The following CTNNA3 variants were observed in gnomAD, a reference collection of about 807,000 sequenced individuals.
The protein encoded by CTNNA3 is catenin alpha 3, also known as catenin alpha-3.
Under a neutral mutation model 95.7 loss-of-function variants are expected in CTNNA3, and 76 were observed. The ratio of observed to expected loss-of-function variants is 0.79; its 90% CI spans 0.66 to 0.96. CTNNA3 has a LOEUF of 0.96. Among genes scored for constraint, CTNNA3 ranks in the 40% least tolerant of loss-of-function variants. The pLI, the probability that CTNNA3 is intolerant of heterozygous loss-of-function variation, is 0.00. For synonymous variants in CTNNA3, 431 were observed against 374.4 expected, an observed-to-expected ratio of 1.15 and a Z score of -1.74; for missense variants, 1,191 against 1,089.8, an observed-to-expected ratio of 1.09 and a Z score of -1.31.
chr10:67,080,107 C>T (rs1371421401), intron 7 of CTNNA3, among the ~76,000 whole-genome samples: 1 of 152,120 alleles, frequency 6.6e-6, no homozygotes, highest in African/African-American at 2.4e-5. Flanking sequence ...GCAAGAAGAA[C>T]CAGAAGGGGT....
chr10:67,716,614 T>A (rs1194183297), intron 1 of CTNNA3, among the ~76,000 whole-genome samples: 1 of 152,198 alleles, frequency 6.6e-6, no homozygotes, highest in Non-Finnish European at 1.5e-5. Flanking sequence ...CAACGATGGT[T>A]TCCAGCTTCA....
intron 11 of CTNNA3, among the ~76,000 whole-genome samples, chr10:66,412,456 A>ATTTTT (rs750175517): frequency 7.9e-6 from 1 of 126,218 alleles, no homozygotes; most frequent in Admixed American, 8.1e-5. Context: ...GCCAAATACT[A>ATTTTT]TTTTTTTTTT....
chr10:65,949,976 C>A (rs1405305608), intron 17 of CTNNA3, among the ~76,000 whole-genome samples: 4 of 151,910 alleles, frequency 2.6e-5, no homozygotes, highest in Non-Finnish European at 5.9e-5. Context: ...CCCCCCACAA[C>A]AAAGAATTAT....
rs1451213292 is a variant in CTNNA3, at chr10:67,506,923, AC to A, written c.579+14918del. On this transcript the variant is annotated intron_variant, in intron 5 of 17. Coordinates refer to ENST00000433211, the MANE Select transcript of CTNNA3 (RefSeq NM_013266.4). ...CAGTTTGGCCAAGTCACAGTGGACAACCCAGAGCTAAAGTATGACATTTTTA... is the reference window on the plus strand; with the variant it reads ...CAGTTTGGCCAAGTCACAGTGGACAACCAGAGCTAAAGTATGACATTTTTA... 2.6e-5 allele frequency among the ~76,000 whole-genome samples: 4 copies of A among 152,286 alleles called. No individual in the cohort carries two copies. The East Asian group carries it at 7.7e-4, about 29-fold the overall frequency.
chr10:67,400,731 T>C (rs1844885488), intron 5 of CTNNA3, among the ~76,000 whole-genome samples: 1 of 152,214 alleles, frequency 6.6e-6, no homozygotes, highest in Non-Finnish European at 1.5e-5. Flanking sequence ...CTAATTACTT[T>C]TCAAAAGTGG....
At chr10:66,574,618 GGTT>G (rs983449534) in intron 10 of CTNNA3, among the ~76,000 whole-genome samples, 1 of 151,938 alleles carries the variant, frequency 6.6e-6, no homozygotes, top group African/African-American at 2.4e-5. Flanking sequence ...TCTAAACAAA[GGTT>G]GTTTTTTTTT....
chr10:66,923,058 C>T (rs1925581), intron 7 of CTNNA3, among the ~76,000 whole-genome samples: 55,117 of 151,982 alleles, frequency 0.36, 10,230 homozygotes, highest in Non-Finnish European at 0.39. Context: ...TATTTACTCA[C>T]TCTAATATTT....
intron 7 of CTNNA3, among the ~76,000 whole-genome samples, chr10:66,916,992 T>A (rs1381069317): frequency 6.6e-6 from 1 of 152,206 alleles, no homozygotes; most frequent in African/African-American, 2.4e-5. Flanking sequence ...GGCCACAGTA[T>A]CAAATGGTCA....
At chr10:67,390,932 A>G (rs111270363) in intron 5 of CTNNA3, among the ~76,000 whole-genome samples, 3 of 151,976 alleles carry the variant, frequency 2.0e-5, no homozygotes, top group Non-Finnish European at 4.4e-5. Flanking sequence ...ATCTATGACA[A>G]ACCCACAGCC....
At chr10:67,635,751 G>T (rs1220630913) in intron 2 of CTNNA3, among the ~76,000 whole-genome samples, 1 of 151,824 alleles carries the variant, frequency 6.6e-6, no homozygotes, top group South Asian at 2.1e-4. Context: ...CCTTGAAAAC[G>T]CACAAGACAA....
chr10:67,052,424 G>T (rs1164938535), intron 7 of CTNNA3, among the ~76,000 whole-genome samples: 3 of 151,388 alleles, frequency 2.0e-5, no homozygotes, highest in Non-Finnish European at 4.4e-5. Flanking sequence ...CCCTTCTTAG[G>T]CCTAGAACGA....
At chr10:67,305,052 G>A (rs973569386) in intron 5 of CTNNA3, among the ~76,000 whole-genome samples, 17 of 152,046 alleles carry the variant, frequency 1.1e-4, no homozygotes, top group African/African-American at 3.6e-4. Flanking sequence ...CGAGGTGGGC[G>A]GATCACGAAG....
At chr10:66,918,977 T>C (rs776400182) in intron 7 of CTNNA3, among the ~76,000 whole-genome samples, 12 of 151,296 alleles carry the variant, frequency 7.9e-5, no homozygotes, top group Non-Finnish European at 1.2e-4. Flanking sequence ...CTACTAAAAA[T>C]ACAAAAAATT....
chr10:66,854,096 T>A (rs1564725404), intron 7 of CTNNA3, among the ~76,000 whole-genome samples: 1 of 152,076 alleles, frequency 6.6e-6, no homozygotes, highest in African/African-American at 2.4e-5. Flanking sequence ...CATTTCTTAT[T>A]TATTGGTCAC....
At chr10:66,218,134 G>A (rs1381848) in intron 13 of CTNNA3, among the ~76,000 whole-genome samples, 12,009 of 152,122 alleles carry the variant, frequency 0.079, 600 homozygotes, top group Admixed American at 0.13. Flanking sequence ...CACCTAATAA[G>A]CCTGTCCTAC....
intron 11 of CTNNA3, among the ~76,000 whole-genome samples, chr10:66,434,824 TACCTAATTTATTGAGA>T (rs2093325679): frequency 6.6e-6 from 1 of 152,216 alleles, no homozygotes; most frequent in Non-Finnish European, 1.5e-5. Flanking sequence ...GTTCCATCAA[TACCTAATTTATTGAGA>T]GTTTTTAGCA....
At chr10:66,762,094 T>G (rs1839621688) in intron 9 of CTNNA3, among the ~76,000 whole-genome samples, 1 of 152,210 alleles carries the variant, frequency 6.6e-6, no homozygotes, top group African/African-American at 2.4e-5. Context: ...CTCAAAGCAA[T>G]AATCCTCTCT....
intron 5 of CTNNA3, among the ~76,000 whole-genome samples, chr10:67,232,957 C>A (rs1202981206): frequency 3.3e-5 from 5 of 152,130 alleles, no homozygotes; most frequent in Non-Finnish European, 4.4e-5. Context: ...ACAAGAAGAG[C>A]TAACTATCCT....
intron 7 of CTNNA3, among the ~76,000 whole-genome samples, chr10:67,168,133 C>T (rs888621153): frequency 1.3e-5 from 2 of 152,004 alleles, no homozygotes; most frequent in African/African-American, 4.8e-5. Context: ...GAGACTCCAT[C>T]TCAAAATAAA....
Sources: allele counts gnomAD v4.1 joint callset (sites outside exome capture counted in the v4.1 genomes callset), GRCh38; gene constraint gnomAD v4.1.1; transcripts MANE v1.5; gene names NCBI Gene and HGNC (gene_info 2026-07-23, HGNC 2026-07-21).